The following ADORA2B variants were observed in gnomAD, a reference collection of about 807,000 sequenced individuals.
The protein encoded by ADORA2B is adenosine A2b receptor.
A neutral mutation model predicts 20.8 loss-of-function variants in ADORA2B; 18 were observed. The ratio of observed to expected loss-of-function variants is 0.87; its 90% confidence interval spans 0.60 to 1.29. ADORA2B has a LOEUF of 1.29. Ranked by LOEUF, ADORA2B falls within the 50% of genes most tolerant of loss-of-function variation. The probability of loss-of-function intolerance (pLI) is 0.00; values close to 1 mark genes in which losing one functional copy is unlikely to be tolerated. For missense variants in ADORA2B, 441 were observed against 422.7 expected, an observed-to-expected ratio of 1.04 and a Z score of -0.38; for synonymous variants, 179 against 178.3, an observed-to-expected ratio of 1.00 and a Z score of -0.03.
At chr17:15,943,149 A>G (rs1371916969), upstream of ADORA2B, among the ~76,000 whole-genome samples, 1 of 152,200 alleles carries the variant, frequency 6.6e-6, no homozygotes, top group Non-Finnish European at 1.5e-5. Flanking sequence ...ATATAAATCA[A>G]CTGTTTTCAT....
intron 1 of ADORA2B, among the ~76,000 whole-genome samples, chr17:15,961,268 C>A (rs752211313): frequency 6.7e-6 from 1 of 148,618 alleles, no homozygotes; most frequent in Non-Finnish European, 1.5e-5. Flanking sequence ...AGAGTGAGAC[C>A]TTTTCTTGGG....
rs116076778 is a variant in ADORA2B, at chr17:15,954,323, A to C, written c.335+8740A>C. Among the ~76,000 whole-genome samples, 599 of 152,274 alleles carry C rather than the reference A, an allele frequency of 3.9e-3. 2 individuals carry two copies. Among genetic ancestry groups the C allele is most frequent in the African/African-American group, 0.014 (574 of 41,552 alleles). ...CCATCCATTACTCAGACATTACTCAAAATTATGTCACATTTTAGCCTGCTT... is the reference window on the plus strand; with the variant it reads ...CCATCCATTACTCAGACATTACTCACAATTATGTCACATTTTAGCCTGCTT... On this transcript the variant is annotated intron_variant, in intron 1 of 1. Transcript: ENST00000304222.
the ADORA2B span, chr17:15,864,288 A>G: frequency 6.6e-6 from 1 of 152,244 alleles, no homozygotes; most frequent in African/African-American, 2.4e-5. Flanking sequence ...TCTCCTAGAC[A>G]GAGAGGCATA....
At chr17:15,886,021 T>A in the ADORA2B span, among the ~76,000 whole-genome samples, 1 of 152,210 alleles carries the variant, frequency 6.6e-6, no homozygotes, top group Non-Finnish European at 1.5e-5. Flanking sequence ...TCCTGGAAAC[T>A]GCAGCTTTGG....
the ADORA2B span, among the ~76,000 whole-genome samples, chr17:15,921,799 C>G: frequency 9.8e-3 from 1,491 of 152,286 alleles, 32 homozygotes; most frequent in African/African-American, 0.034. Flanking sequence ...TTTTAGCTCT[C>G]ACATCCTTAA....
At chr17:15,856,899 C>G in the ADORA2B span, among the ~76,000 whole-genome samples, 1 of 152,294 alleles carries the variant, frequency 6.6e-6, no homozygotes, top group African/African-American at 2.4e-5. Flanking sequence ...ATACTCAGAC[C>G]AGCTGCAGAA....
At chr17:15,886,112 C>T in the ADORA2B span, among the ~76,000 whole-genome samples, 1 of 152,192 alleles carries the variant, frequency 6.6e-6, no homozygotes, top group Admixed American at 6.5e-5. Context: ...TTTCGTCACA[C>T]AGCACATCAC....
At chr17:15,950,595 G>C (rs1483909971) in intron 1 of ADORA2B, among the ~76,000 whole-genome samples, 1 of 152,130 alleles carries the variant, frequency 6.6e-6, no homozygotes, top group South Asian at 2.1e-4. Flanking sequence ...GCAGCTCCTG[G>C]TGGGCACTGT....
At chr17:15,930,286 CTTTT>C in the ADORA2B span, among the ~76,000 whole-genome samples, 1 of 138,870 alleles carries the variant, frequency 7.2e-6, no homozygotes, top group Non-Finnish European at 1.6e-5. Flanking sequence ...TATGTGTCTC[CTTTT>C]TTTTTTTTTT....
At chr17:15,878,490 C>T in the ADORA2B span, among the ~76,000 whole-genome samples, 21 of 152,230 alleles carry the variant, frequency 1.4e-4, no homozygotes, top group Admixed American at 1.2e-3. Context: ...TATGCATTGT[C>T]GTCATGATTT....
chr17:15,868,283 C>CTTG, the ADORA2B span, among the ~76,000 whole-genome samples: 16 of 135,594 alleles, frequency 1.2e-4, 2 homozygotes, highest in Non-Finnish European at 2.0e-4. Flanking sequence ...CCTTTGTTCA[C>CTTG]TTGTTTATCT....
At chr17:15,855,047 A>T in the ADORA2B span, among the ~76,000 whole-genome samples, 1 of 151,482 alleles carries the variant, frequency 6.6e-6, no homozygotes, top group African/African-American at 2.4e-5. Flanking sequence ...CTCCTGCCTC[A>T]GCCTCCCAAG....
chr17:15,951,068 G>T (rs1969895488), intron 1 of ADORA2B, among the ~76,000 whole-genome samples: 1 of 152,228 alleles, frequency 6.6e-6, no homozygotes, highest in African/African-American at 2.4e-5. Flanking sequence ...CACATGTCAG[G>T]CTACGTCATG....
At chr17:15,920,627 A>G in the ADORA2B span, among the ~76,000 whole-genome samples, 2 of 151,966 alleles carry the variant, frequency 1.3e-5, no homozygotes, top group Admixed American at 6.6e-5. Context: ...AGGCTGAGGC[A>G]GGAGAATCAC....
At chr17:15,950,779 C>T (rs1740460706) in intron 1 of ADORA2B, among the ~76,000 whole-genome samples, 1 of 152,192 alleles carries the variant, frequency 6.6e-6, no homozygotes, top group Non-Finnish European at 1.5e-5. Flanking sequence ...TCGGCCTTCA[C>T]CCCCCAATTC....
chr17:15,963,839 AG>A (rs1970068214), intron 1 of ADORA2B, among the ~76,000 whole-genome samples: 2 of 152,172 alleles, frequency 1.3e-5, no homozygotes, highest in South Asian at 2.1e-4. Flanking sequence ...TTTTGTTCTT[AG>A]GGGACTGTGA....
At chr17:15,964,527 T>C (rs1280007680) in intron 1 of ADORA2B, among the ~76,000 whole-genome samples, 1 of 150,474 alleles carries the variant, frequency 6.6e-6, no homozygotes, top group Non-Finnish European at 1.5e-5. Flanking sequence ...GAGAATCGCT[T>C]GAACCTGGGA....
the ADORA2B span, among the ~76,000 whole-genome samples, chr17:15,880,678 C>T: frequency 1.2e-4 from 18 of 151,870 alleles, 1 homozygote; most frequent in African/African-American, 3.6e-4. Flanking sequence ...AGATGTGGCC[C>T]GCTCAGGGAT....
At chr17:15,895,486 G>A in the ADORA2B span, among the ~76,000 whole-genome samples, 12 of 152,222 alleles carry the variant, frequency 7.9e-5, no homozygotes, top group African/African-American at 2.6e-4. Flanking sequence ...CAGCAAATCC[G>A]GAGCCGGGAT....
Sources: allele counts gnomAD v4.1 joint callset (sites outside exome capture counted in the v4.1 genomes callset), GRCh38; gene constraint gnomAD v4.1.1; transcripts MANE v1.5; gene names NCBI Gene and HGNC (gene_info 2026-07-23, HGNC 2026-07-21).